ARHGAP15: variants seen among roughly 807,000 people sequenced by gnomAD.
ARHGAP15 encodes the protein rho GTPase-activating protein 15.
A neutral mutation model predicts 63.7 loss-of-function variants in ARHGAP15; 51 were observed. That is an observed-to-expected ratio of 0.80 (90% CI 0.64 to 1.01). The LOEUF (loss-of-function observed/expected upper bound fraction) is 1.01. ARHGAP15 is among the 50% of genes least tolerant of loss of function. ARHGAP15 has a pLI of 0.00. For missense variants in ARHGAP15, 560 were observed against 564.6 expected (o/e 0.99, Z 0.08); for synonymous variants, 191 against 193.8 (o/e 0.99, Z 0.12).
chr2:143,154,450 T>G lies in ARHGAP15; in HGVS notation c.-14-1027T>G, dbSNP rs140298684. Among the ~76,000 whole-genome samples the G allele has an allele frequency of 8.3e-3, 1,268 of 152,028 alleles. 20 individuals are homozygous for G. Among genetic ancestry groups the G allele is most frequent in the African/African-American group, 0.027 (1,139 of 41,524 alleles). On this transcript the variant is annotated intron_variant, in intron 1 of 13. Coordinates refer to ENST00000295095, the MANE Select transcript of ARHGAP15 (RefSeq NM_018460.4). ...TTGCCTCCTTAAAACATGATTCTTC[T>G]TTTGGATTATATTCGCTCCCATAAC... is the stretch of plus-strand genomic sequence containing the variant.
intron 9 of ARHGAP15, among the ~76,000 whole-genome samples, chr2:143,509,617 T>G (rs1340663591): frequency 6.6e-6 from 1 of 152,150 alleles, no homozygotes; most frequent in Non-Finnish European, 1.5e-5. Flanking sequence ...CACCCAGTTC[T>G]CCAAACATTC....
At chr2:143,204,339 A>C (rs1465281648) in intron 3 of ARHGAP15, among the ~76,000 whole-genome samples, 1 of 152,118 alleles carries the variant, frequency 6.6e-6, no homozygotes, top group East Asian at 1.9e-4. Context: ...TAAACAACAG[A>C]AATTTATTTC....
Position 143,767,983 on chromosome 2 carries a change from C to T in ARHGAP15, c.1245-6C>T, listed in dbSNP as rs1475234853. On this transcript the variant is annotated splice_region_variant and splice_polypyrimidine_tract_variant and intron_variant, in intron 13 of 13. Transcript: ENST00000295095. ...TGAAATTATTTTTTTTTCTCTCTCT[C>T]CACAGGATAGTGGCCAAAGCCTCCA... 4 of 1,611,748 alleles carry T rather than the reference C, an allele frequency of 2.5e-6. No individual in the cohort carries two copies. Among genetic ancestry groups the T allele is most frequent in the African/African-American group, 2.7e-5 (2 of 74,822 alleles).
rs193174875 is a variant in ARHGAP15 at position 143,434,762 on chromosome 2, A to G, written c.475-839A>G. Reference sequence around the variant, plus strand: ...AGATTGATGGCCAAATACAAAAAGCATGTCCACACCCACTCTAATCAATTT... The same window carrying G: ...AGATTGATGGCCAAATACAAAAAGCGTGTCCACACCCACTCTAATCAATTT... On this transcript the variant is annotated intron_variant, in intron 6 of 13. Transcript: ENST00000295095. Among the ~76,000 whole-genome samples, 310 of 152,280 alleles carry G rather than the reference A, an allele frequency of 2.0e-3. 2 individuals carry two copies. The highest frequency in any genetic ancestry group is 7.3e-3 in the African/African-American group (303 of 41,576).
intron 6 of ARHGAP15, among the ~76,000 whole-genome samples, chr2:143,413,966 T>TGCGCGCACGCGCGCGC (rs1553476592): frequency 7.6e-5 from 9 of 117,924 alleles, no homozygotes; most frequent in African/African-American, 3.2e-4. Context: ...TGTGTGTGTG[T>TGCGCGCACGCGCGCGC]GCGCGCTCTC....
intron 2 of ARHGAP15, among the ~76,000 whole-genome samples, chr2:143,165,523 G>A (rs760303772): frequency 1.3e-5 from 2 of 152,008 alleles, no homozygotes; most frequent in Admixed American, 6.6e-5. Flanking sequence ...TAATGTAAAC[G>A]CCAACATCAA....
intron 6 of ARHGAP15, among the ~76,000 whole-genome samples, chr2:143,345,932 CCTT>C (rs1201873663): frequency 6.6e-6 from 1 of 151,926 alleles, no homozygotes; most frequent in Non-Finnish European, 1.5e-5. Flanking sequence ...TATGAGAAAT[CCTT>C]CTGTGGGCAG....
At chr2:143,143,927 C>T (rs1689477226) in intron 1 of ARHGAP15, among the ~76,000 whole-genome samples, 1 of 152,030 alleles carries the variant, frequency 6.6e-6, no homozygotes, top group Admixed American at 6.6e-5. Context: ...ACCCTCCAAA[C>T]TCCAGTAGGC....
At chr2:143,622,769 C>T (rs908658267) in intron 11 of ARHGAP15, among the ~76,000 whole-genome samples, 1 of 116,178 alleles carries the variant, frequency 8.6e-6, no homozygotes, top group Non-Finnish European at 1.7e-5. Context: ...TAGAAACGAT[C>T]GTTCATTTAT....
At chr2:143,407,993 A>G (rs1321957013) in intron 6 of ARHGAP15, among the ~76,000 whole-genome samples, 2,122 of 56,384 alleles carry the variant, frequency 0.038, 86 homozygotes, top group Non-Finnish European at 0.046. Context: ...GTGTGTATAT[A>G]TATATATATA....
intron 10 of ARHGAP15, among the ~76,000 whole-genome samples, chr2:143,534,537 T>C (rs1694664930): frequency 1.6e-5 from 1 of 63,660 alleles, no homozygotes; most frequent in Non-Finnish European, 3.4e-5. Flanking sequence ...GATGATTTCA[T>C]GGGAGAATGC....
intron 8 of ARHGAP15, among the ~76,000 whole-genome samples, chr2:143,485,725 C>G (rs1297237240): frequency 6.6e-6 from 1 of 152,096 alleles, no homozygotes; most frequent in Non-Finnish European, 1.5e-5. Flanking sequence ...GGATGCTGTT[C>G]CATATCCTAC....
At chr2:143,262,505 A>G (rs1213315895) in intron 6 of ARHGAP15, among the ~76,000 whole-genome samples, 1 of 137,310 alleles carries the variant, frequency 7.3e-6, no homozygotes, top group South Asian at 2.4e-4. Flanking sequence ...AGTCAATCGG[A>G]CCTTTGTATA....
intron 10 of ARHGAP15, among the ~76,000 whole-genome samples, chr2:143,545,496 T>C (rs997321550): frequency 3.0e-4 from 12 of 40,124 alleles, no homozygotes; most frequent in Non-Finnish European, 5.7e-4. Flanking sequence ...TTGCACAAAG[T>C]AAAAATAATG....
chr2:143,395,310 G>T (rs1008299014), intron 6 of ARHGAP15, among the ~76,000 whole-genome samples: 1 of 152,066 alleles, frequency 6.6e-6, no homozygotes, highest in African/African-American at 2.4e-5. Context: ...AATGAGTGAT[G>T]TCCCAAGTCA....
In ARHGAP15 at chr2:143,225,687, G is replaced by C. The variant is rs116625192; in HGVS notation, c.297-2894G>C. On this transcript the variant is annotated intron_variant, in intron 4 of 13. Coordinates refer to ENST00000295095, the MANE Select transcript of ARHGAP15 (RefSeq NM_018460.4). ...GAACAGATTATAGGTTTTGGAGCTA[G>C]AGAAACTGGGTTTAACTTTAAATCT... 2.7e-3 allele frequency among the ~76,000 whole-genome samples: 410 copies of C among 152,268 alleles called. 2 individuals are homozygous for C. The highest frequency in any genetic ancestry group is 9.1e-3 in the African/African-American group (378 of 41,514).
At chr2:143,636,159 C>A (rs772058055) in intron 12 of ARHGAP15, among the ~76,000 whole-genome samples, 4 of 152,166 alleles carry the variant, frequency 2.6e-5, no homozygotes, top group Non-Finnish European at 2.9e-5. Context: ...AACGGATGGG[C>A]AGATCTAATT....
At chr2:143,696,369 GATATATA>G (rs1283740821) in intron 12 of ARHGAP15, among the ~76,000 whole-genome samples, 5 of 149,352 alleles carry the variant, frequency 3.3e-5, no homozygotes, top group East Asian at 1.9e-4. Context: ...ATATAAGATA[GATATATA>G]ATATATATAT....
chr2:143,171,482 C>T (rs1690778976), intron 2 of ARHGAP15, among the ~76,000 whole-genome samples: 1 of 152,000 alleles, frequency 6.6e-6, no homozygotes, highest in African/African-American at 2.4e-5. Context: ...AATTATATTG[C>T]TAAAGATGGA....
Sources: allele counts gnomAD v4.1 joint callset (sites outside exome capture counted in the v4.1 genomes callset), GRCh38; gene constraint gnomAD v4.1.1; transcripts MANE v1.5; gene names NCBI Gene and HGNC (gene_info 2026-07-23, HGNC 2026-07-21).